Variants in THUMPD3 observed in about 807,000 individuals in gnomAD.
The protein encoded by THUMPD3 is THUMP domain 3 tRNA guanosine methyltransferase.
A neutral mutation model predicts 54.5 loss-of-function variants in THUMPD3; 44 were observed. That is an observed-to-expected ratio of 0.81 (90% CI 0.63 to 1.04). THUMPD3 has a LOEUF of 1.04. Among genes scored for constraint, THUMPD3 ranks in the 50% least tolerant of loss-of-function variants. The pLI, the probability that THUMPD3 is intolerant of heterozygous loss-of-function variation, is 0.00. For synonymous variants in THUMPD3, 196 were observed against 201.4 expected (o/e 0.97, Z 0.23); for missense variants, 604 against 601.3 (o/e 1.00, Z -0.05).
chr3:9,368,356 G>A (rs752994246), intron 3 of THUMPD3, among the ~76,000 whole-genome samples: 103 of 121,810 alleles, frequency 8.5e-4, no homozygotes, highest in Non-Finnish European at 8.4e-4. Flanking sequence ...CTCCACCCGC[G>A]CATATTTTTT....
At position 9,385,885 on chromosome 3, in the gene THUMPD3, C is replaced by G. The variant is rs571521252; in HGVS notation, c.*1197C>G. 6.6e-6 allele frequency: 1 copy of G among 152,340 alleles called. No individual in the cohort carries two copies. Among genetic ancestry groups the G allele is most frequent in the Non-Finnish European group, 1.5e-5 (1 of 68,038 alleles). 9.4% of individuals were successfully genotyped at this position (152,340 alleles called of 1,614,324 possible). ...CATTTAATTGCTTTTCCAGTTGCAA[C>G]AAGTCCTTCTTGAGAGTTTTGTGGA... On this transcript the variant is annotated 3_prime_UTR_variant, in exon 10 of 10. Coordinates refer to ENST00000452837, the MANE Select transcript of THUMPD3 (RefSeq NM_001114092.2).
intron 7 of THUMPD3, 126 bp downstream of exon 7, chr3:9,380,744 C>T (rs2032821646): frequency 2.0e-6 from 1 of 506,678 alleles, no homozygotes; most frequent in Non-Finnish European, 3.5e-6. Flanking sequence ...TACTATGAGA[C>T]TCCATTTACA....
At chr3:9,374,701 C>T (rs2125321784) in intron 5 of THUMPD3, 55 bp downstream of exon 5, 2 of 1,595,620 alleles carry the variant, frequency 1.3e-6, no homozygotes, top group Non-Finnish European at 1.7e-6. Context: ...TTGAATGTTC[C>T]CTTCAAAATA....
rs898603920 is a variant in THUMPD3, at chr3:9,386,185, A to C, written c.*1497A>C. On this transcript the variant is annotated 3_prime_UTR_variant, in exon 10 of 10. Transcript: ENST00000452837. The stretch of plus-strand genomic sequence containing the variant: ...CACACTTCATAATGAATGGGAAATA[A>C]GATGTTTATGAAGGTTTTATATCCT... 6.6e-6 allele frequency: 1 copy of C among 152,198 alleles called. No homozygotes were observed. Among genetic ancestry groups the C allele is most frequent in the Non-Finnish European group, 1.5e-5 (1 of 68,028 alleles). The allele number at this position is 152,198 out of a possible 1,614,324, so 9.4% of individuals were successfully genotyped here. A position where few individuals can be genotyped will look rare whatever the true frequency, so the allele number is the denominator to read the frequency against.
At position 9,371,124 on chromosome 3, in the gene THUMPD3, T is replaced by G. The variant is rs1425879616; in HGVS notation, c.395T>G (p.Val132Gly). The change falls in exon 4 of 10, where the codon GTG becomes GGG. Residue 132 changes from valine (V) to glycine (G), a missense_variant. Val to Gly is a moderately radical substitution (Grantham distance 109). Transcript: ENST00000452837. ...GKLPWSNPLK[V>G]WKINASFKKK... ...CTCCCATGGTCAAACCCCTTAAAAG[T>G]GTGGAAAATTAATGCCAGTTTTAAA... 1 of 1,607,714 alleles carries G rather than the reference T, an allele frequency of 6.2e-7. No individual in the cohort carries two copies.
chr3:9,384,480 A>G (rs1240932709), intron 9 of THUMPD3, 44 bp from the exon 10 acceptor site: 25 of 1,611,812 alleles, frequency 1.6e-5, no homozygotes, highest in Non-Finnish European at 1.9e-5. Flanking sequence ...TTGATGTAAA[A>G]GTAGATTGTC....
At chr3:9,365,940 T>A (rs1403667746) in intron 2 of THUMPD3, among the ~76,000 whole-genome samples, 1 of 152,128 alleles carries the variant, frequency 6.6e-6, no homozygotes, top group African/African-American at 2.4e-5. Flanking sequence ...CACTGAGCAT[T>A]TCCTTTCAGC....
chr3:9,378,068 G>A (rs1048637310), intron 6 of THUMPD3, among the ~76,000 whole-genome samples, 180 bp downstream of exon 6: 1 of 152,196 alleles, frequency 6.6e-6, no homozygotes, highest in African/African-American at 2.4e-5. Context: ...ATTTCAAAGA[G>A]CCATGTGCCA....
rs1483293460 is a variant in THUMPD3 at position 9,384,277 on chromosome 3, G to A, written c.1301G>A (p.Cys434Tyr). 10 of 1,614,056 alleles carry A rather than the reference G, an allele frequency of 6.2e-6. No individual in the cohort carries two copies. In the East Asian group the frequency reaches 2.2e-4, roughly 36 times the overall value. Residue 434 changes from cysteine to tyrosine, a missense_variant, in exon 9 of 10, where the codon TGC becomes TAC. Cys to Tyr is a radical substitution (Grantham distance 194). Transcript: ENST00000452837. ...TGCCTACGGGAGATGAGCCGTGTCT[G>A]CACACCTACCACAGGCCGAGCTGTA... is the stretch of plus-strand genomic sequence containing the variant. ...PACLREMSRV[C>Y]TPTTGRAVLL...
At position 9,377,884 on chromosome 3, in the gene THUMPD3, TAG is replaced by T; in HGVS notation, c.1007_1008del (p.Glu336GlyfsTer4). 1.2e-6 allele frequency: 2 copies of T among 1,609,908 alleles called. No individual in the cohort carries two copies. The highest frequency in any genetic ancestry group is 2.2e-5 in the South Asian group (2 of 90,976). ...ATGTGTGGAACTGGGGCAATACCAA[TAG>T]AGGTAATCATATTTCTTTAGCTTTT... On this transcript the variant is annotated frameshift_variant and splice_region_variant, in exon 6 of 10. Transcript: ENST00000452837. LOFTEE classifies it high-confidence loss of function.
intron 5 of THUMPD3, among the ~76,000 whole-genome samples, chr3:9,377,537 C>G (rs2032555114): frequency 6.6e-6 from 1 of 152,062 alleles, no homozygotes; most frequent in Non-Finnish European, 1.5e-5. Context: ...CCACGCCCAG[C>G]TAATTTTTTG....
intron 1 of THUMPD3, among the ~76,000 whole-genome samples, chr3:9,364,195 T>G (rs1233400286): frequency 6.6e-6 from 1 of 152,070 alleles, no homozygotes; most frequent in East Asian, 1.9e-4. Context: ...AGGAAAGAGG[T>G]ATTACTAATT....
chr3:9,377,531 G>A (rs1418836940), intron 5 of THUMPD3, among the ~76,000 whole-genome samples: 2 of 151,998 alleles, frequency 1.3e-5, no homozygotes, highest in African/African-American at 2.4e-5. Flanking sequence ...CCACCACCAC[G>A]CCCAGCTAAT....
At chr3:9,363,430 A>T (rs2031074628) in intron 1 of THUMPD3, 1 of 152,196 alleles carries the variant, frequency 6.6e-6, no homozygotes, top group Admixed American at 6.5e-5. Context: ...GAAGATGGAG[A>T]TTGTATTCAC....
intron 3 of THUMPD3, among the ~76,000 whole-genome samples, chr3:9,370,533 C>T (rs1336931827): frequency 6.6e-6 from 1 of 152,200 alleles, no homozygotes; most frequent in East Asian, 1.9e-4. Flanking sequence ...GAGCCTTGAC[C>T]TCCCAGGCTC....
In THUMPD3 at chr3:9,365,196, C is replaced by G. The variant is rs1163894123; in HGVS notation, c.128C>G (p.Thr43Ser). Residue 43 changes from threonine to serine, a missense_variant, in exon 2 of 10, where the codon ACT becomes AGT. Transcript: ENST00000452837. Reference sequence around the variant, plus strand: ...GAGCTTCTAGTCACTATTGGAGCCACTGTACCTACTGGCTTTGAGCAAACA... The same window carrying G: ...GAGCTTCTAGTCACTATTGGAGCCAGTGTACCTACTGGCTTTGAGCAAACA... ...ESELLVTIGA[T>S]VPTGFEQTAA... is the part of the protein sequence containing the mutation. 1 of 1,614,188 alleles carries G rather than the reference C, an allele frequency of 6.2e-7. No homozygotes were observed. Among genetic ancestry groups the G allele is most frequent in the Admixed American group, 1.7e-5 (1 of 60,020 alleles).
At chr3:9,371,037 A>T (rs377129922) in intron 3 of THUMPD3, 23 bp from the exon 4 acceptor site, 513 of 1,506,966 alleles carry the variant, frequency 3.4e-4, no homozygotes, top group Non-Finnish European at 4.4e-4. Context: ...AAATGAATGA[A>T]TTTCTTTCTC....
chr3:9,385,492 A>G lies in THUMPD3; in HGVS notation c.*804A>G, dbSNP rs1269607159. On this transcript the variant is annotated 3_prime_UTR_variant, in exon 10 of 10. Transcript: ENST00000452837. The stretch of plus-strand genomic sequence containing the variant: ...TGTTCAGCCTATAAGACGAAGTCTC[A>G]CAAGACCTATAGGAAAGTTTACCAT... 6.6e-6 allele frequency: 1 copy of G among 152,232 alleles called. No individual in the cohort carries two copies. Among genetic ancestry groups the G allele is most frequent in the African/African-American group, 2.4e-5 (1 of 41,472 alleles). 9.4% of individuals were successfully genotyped at this position (152,232 alleles called of 1,614,324 possible).
rs2033287523 is a variant in THUMPD3 at position 9,385,742 on chromosome 3, T to C, written c.*1054T>C. The C allele has an allele frequency of 6.6e-6, 1 of 152,224 alleles. No homozygotes were observed. The highest frequency in any genetic ancestry group is 2.4e-5 in the African/African-American group (1 of 41,466). 9.4% of individuals were successfully genotyped at this position (152,224 alleles called of 1,614,324 possible). On this transcript the variant is annotated 3_prime_UTR_variant, in exon 10 of 10. Transcript: ENST00000452837. The stretch of plus-strand genomic sequence containing the variant: ...GTTTTCAAAACCAAACACAAACCTG[T>C]CAAGAGTATTTGTTGGCTAGTTTCT...
Sources: allele counts gnomAD v4.1 joint callset (sites outside exome capture counted in the v4.1 genomes callset), GRCh38; gene constraint gnomAD v4.1.1; transcripts MANE v1.5; gene names NCBI Gene and HGNC (gene_info 2026-07-23, HGNC 2026-07-21).